Variants in RANBP2 observed in about 807,000 individuals in gnomAD.
The protein encoded by RANBP2 is E3 SUMO-protein ligase RanBP2.
RANBP2 carries 57 observed loss-of-function variants against 303.6 expected under a neutral mutation model. The observed-to-expected ratio is 0.19, with a 90% CI of 0.15 to 0.23. The LOEUF is 0.23. Ranked by LOEUF, RANBP2 falls within the 10% of genes least tolerant of loss-of-function variation. RANBP2 has a pLI of 1.00. For missense variants in RANBP2, 3,138 were observed against 3,780.8 expected, an observed-to-expected ratio of 0.83 and a Z score of 4.46; for synonymous variants, 1,167 against 1,301.5, an observed-to-expected ratio of 0.90 and a Z score of 2.23.
At chr2:109,452,551 G>A in the RANBP2 span, among the ~76,000 whole-genome samples, 1 of 152,336 alleles carries the variant, frequency 6.6e-6, no homozygotes, top group African/African-American at 2.4e-5. Flanking sequence ...AGAGAAGGCA[G>A]GGTGGATACA....
the RANBP2 span, among the ~76,000 whole-genome samples, chr2:108,806,655 G>A: frequency 3.2e-3 from 488 of 152,266 alleles, 2 homozygotes; most frequent in African/African-American, 0.011. Context: ...GTTCCAAAAC[G>A]ACTGTATTCA....
the RANBP2 span, among the ~76,000 whole-genome samples, chr2:108,945,577 G>A: frequency 2.0e-5 from 3 of 152,074 alleles, no homozygotes; most frequent in African/African-American, 7.2e-5. Context: ...CAGCCACAAA[G>A]AACACCAGGA....
the RANBP2 span, among the ~76,000 whole-genome samples, chr2:109,041,685 CTTTT>C: frequency 2.3e-4 from 19 of 82,052 alleles, no homozygotes; most frequent in African/African-American, 6.3e-4. Context: ...CCATGCCCGG[CTTTT>C]TTTTTTTTTT....
At chr2:109,610,993 G>A in the RANBP2 span, among the ~76,000 whole-genome samples, 4 of 152,260 alleles carry the variant, frequency 2.6e-5, no homozygotes, top group South Asian at 4.1e-4. Flanking sequence ...TCAAGACTGC[G>A]TGCTAACGGA....
rs1304022275 is a variant in RANBP2 at position 108,772,592 on chromosome 2, T to A, written c.8113+11T>A. ...AAGAAAATACAGCAGGTATGTTAAG[T>A]GTAAAGGACATTTATAATGCTTTTA... On this transcript the variant is annotated intron_variant, in intron 22 of 28. Coordinates refer to ENST00000283195, the MANE Select transcript of RANBP2 (RefSeq NM_006267.5). 6 of 1,603,142 alleles carry A rather than the reference T, an allele frequency of 3.7e-6. No homozygotes were observed. The highest frequency in any genetic ancestry group is 3.3e-5 in the Admixed American group (2 of 59,976).
At chr2:109,095,317 G>A in the RANBP2 span, among the ~76,000 whole-genome samples, 10 of 152,136 alleles carry the variant, frequency 6.6e-5, no homozygotes, top group African/African-American at 2.4e-4. Context: ...ACATATAATC[G>A]AGACTACTGG....
the RANBP2 span, among the ~76,000 whole-genome samples, chr2:109,761,887 A>C: frequency 6.9e-3 from 1,048 of 151,734 alleles, 13 homozygotes; most frequent in Non-Finnish European, 9.4e-3. Flanking sequence ...ATGTGTCTAA[A>C]ACTGCATGTG....
chr2:109,303,167 C>T, the RANBP2 span, among the ~76,000 whole-genome samples: 3 of 152,192 alleles, frequency 2.0e-5, no homozygotes, highest in Non-Finnish European at 4.4e-5. Flanking sequence ...TGAGCCACCG[C>T]GCCCGGCCGA....
At chr2:109,130,523 C>T in the RANBP2 span, among the ~76,000 whole-genome samples, 1 of 152,176 alleles carries the variant, frequency 6.6e-6, no homozygotes, top group Non-Finnish European at 1.5e-5. Flanking sequence ...TCTGACAGGG[C>T]TCTGATGGCT....
At chr2:108,793,281 C>T in the RANBP2 span, among the ~76,000 whole-genome samples, 272 of 148,992 alleles carry the variant, frequency 1.8e-3, 2 homozygotes, top group African/African-American at 6.5e-3. Flanking sequence ...TACAGTGAGC[C>T]GAGGTCGCGC....
chr2:109,243,323 G>T, the RANBP2 span, among the ~76,000 whole-genome samples: 2 of 152,256 alleles, frequency 1.3e-5, no homozygotes, highest in Non-Finnish European at 2.9e-5. Flanking sequence ...TGCTTTTGCA[G>T]CCCTGAGATT....
Position 108,766,423 on chromosome 2 carries a change from G to C in RANBP2, c.5884G>C (p.Gly1962Arg). The C allele has an allele frequency of 6.2e-7, 1 of 1,611,798 alleles. No homozygotes were observed. Residue 1962 changes from glycine (G) to arginine (R), a missense_variant, in exon 20 of 29, where the codon GGC (glycine) becomes CGC (arginine). By Grantham distance (125) the Gly-to-Arg change is moderately radical. This residue lies in a region of RANBP2 where 348 missense variants were observed against 360.4 expected (regional missense o/e 0.97). Transcript: ENST00000283195. ...KSTSGEGFQFGKKDPNFKGFS... is the reference protein window; with the variant it reads ...KSTSGEGFQFRKKDPNFKGFS... ...AACTTCAGGAGAAGGATTTCAGTTT[G>C]GCAAAAAAGACCCCAATTTCAAGGG...
chr2:108,908,257 C>T, the RANBP2 span, among the ~76,000 whole-genome samples: 2 of 152,102 alleles, frequency 1.3e-5, no homozygotes, highest in Non-Finnish European at 2.9e-5. Context: ...GACCTGCAGG[C>T]GTCTAAGGGG....
chr2:109,712,969 TG>T, the RANBP2 span, among the ~76,000 whole-genome samples: 1 of 152,078 alleles, frequency 6.6e-6, no homozygotes, highest in Non-Finnish European at 1.5e-5. Context: ...ATTGGGGGGA[TG>T]GTACCTGAGA....
the RANBP2 span, among the ~76,000 whole-genome samples, chr2:108,881,878 T>C: frequency 6.6e-6 from 1 of 152,154 alleles, no homozygotes; most frequent in Non-Finnish European, 1.5e-5. Context: ...GCACGATGGC[T>C]CACTCTTGTA....
the RANBP2 span, among the ~76,000 whole-genome samples, chr2:109,578,281 A>G: frequency 1.6e-4 from 25 of 152,342 alleles, no homozygotes; most frequent in African/African-American, 5.5e-4. Flanking sequence ...AATATGCTCA[A>G]TAAGAAACAT....
the RANBP2 span, among the ~76,000 whole-genome samples, chr2:109,258,349 C>T: frequency 5.3e-5 from 8 of 152,282 alleles, no homozygotes; most frequent in East Asian, 1.5e-3. Context: ...CGAGAAACTG[C>T]AGAGTTGAGA....
the RANBP2 span, among the ~76,000 whole-genome samples, chr2:109,528,896 C>T: frequency 1.3e-5 from 2 of 152,132 alleles, no homozygotes; most frequent in African/African-American, 2.4e-5. Flanking sequence ...TAGGCCGGCA[C>T]GAACTGAGGA....
At chr2:109,312,653 T>C in the RANBP2 span, among the ~76,000 whole-genome samples, 1 of 152,232 alleles carries the variant, frequency 6.6e-6, no homozygotes, top group Non-Finnish European at 1.5e-5. Context: ...CTAGCTTCTT[T>C]TACTTCGTAT....
Sources: allele counts gnomAD v4.1 joint callset (sites outside exome capture counted in the v4.1 genomes callset), GRCh38; gene constraint gnomAD v4.1.1; regional missense constraint gnomAD v4.1.1; transcripts MANE v1.5; gene names NCBI Gene and HGNC (gene_info 2026-07-23, HGNC 2026-07-21).